RYR2: variants seen among roughly 807,000 people sequenced by gnomAD.
The protein encoded by RYR2 is ryanodine receptor 2.
RYR2 carries 227 observed loss-of-function variants against 601.1 expected under a neutral mutation model. That is an observed-to-expected ratio of 0.38 (90% CI 0.34 to 0.42). RYR2 has a LOEUF of 0.42. RYR2 is among the 10% of genes least tolerant of loss of function. The pLI is 1.00. For missense variants in RYR2, 4,646 were observed against 6,156.5 expected (o/e 0.75, Z 8.21); for synonymous variants, 2,223 against 2,175.1 (o/e 1.02, Z -0.61).
chr1:237,729,591 T>C (rs1690503010), intron 76 of RYR2, among the ~76,000 whole-genome samples: 1 of 152,182 alleles, frequency 6.6e-6, no homozygotes, highest in Non-Finnish European at 1.5e-5. Context: ...TGTTTTATGA[T>C]GTTCCCTTCA....
At chr1:237,778,451 A>C (rs544628061) in intron 87 of RYR2, among the ~76,000 whole-genome samples, 39 of 151,068 alleles carry the variant, frequency 2.6e-4, no homozygotes, top group Admixed American at 9.9e-4. Context: ...CTTTTTTTGG[A>C]ATATATTAAA....
intron 3 of RYR2, among the ~76,000 whole-genome samples, chr1:237,355,572 A>G (rs1052668883): frequency 6.6e-6 from 1 of 152,216 alleles, no homozygotes; most frequent in African/African-American, 2.4e-5. Flanking sequence ...GTAGTTAGAC[A>G]CTATGTCTCT....
Position 237,707,236 on chromosome 1 carries a change from A to T in RYR2, c.9868A>T (p.Ile3290Phe), listed in dbSNP as rs772114329. 4 of 1,567,804 alleles carry T rather than the reference A, an allele frequency of 2.6e-6. No homozygotes were observed. In the Admixed American group the frequency reaches 6.9e-5, roughly 27 times the overall value. The part of the protein sequence containing the change: ...ILKIIYNNLG[I>F]DEGAWMKRLA... ...GAAAATCATATATAATAACTTGGGG[A>T]TTGATGAGGGAGCCTGGATGAAGAG... The change falls in exon 68 of 105, where the codon ATT (isoleucine) becomes TTT (phenylalanine). Residue 3290 changes from isoleucine to phenylalanine, a missense_variant. Ile to Phe is a conservative substitution (Grantham distance 21). Around this residue, in one of 17 missense-constraint regions of RYR2, gnomAD observed 1,497 missense variants for 1,842.6 expected, o/e 0.81. Transcript: ENST00000366574.
chr1:237,423,348 G>C, intron 12 of RYR2, 100 bp downstream of exon 12: 1 of 1,320,472 alleles, frequency 7.6e-7, no homozygotes, highest in Non-Finnish European at 1.0e-6. Context: ...AATGATGTAA[G>C]TATGTCTTAT....
rs1038363990 is a variant in RYR2, at chr1:237,180,716, A to C, written c.49-89781A>C. 1.4e-5 allele frequency among the ~76,000 whole-genome samples: 2 copies of C among 147,998 alleles called. No individual in the cohort carries two copies. Among genetic ancestry groups the C allele is most frequent in the Admixed American group, 6.8e-5 (1 of 14,716 alleles). The stretch of plus-strand genomic sequence containing the variant: ...TATATATAAGTATATATACACATAT[A>C]TACATATACATAGATATATGCTATT... On this transcript the variant is annotated intron_variant, in intron 1 of 104. Coordinates refer to ENST00000366574, the MANE Select transcript of RYR2 (RefSeq NM_001035.3). The surrounding 1 kb of genome is among the most constrained non-coding windows in gnomAD (Gnocchi z 5.3).
At chr1:237,085,589 T>G (rs1666236930) in intron 1 of RYR2, among the ~76,000 whole-genome samples, 1 of 152,234 alleles carries the variant, frequency 6.6e-6, no homozygotes, top group Non-Finnish European at 1.5e-5. Flanking sequence ...CGTGTGTGTT[T>G]AATCTATTTG....
chr1:237,465,619 C>T (rs1362745189), intron 16 of RYR2, among the ~76,000 whole-genome samples: 5 of 152,156 alleles, frequency 3.3e-5, no homozygotes, highest in African/African-American at 7.2e-5. Context: ...GCCTACTGCA[C>T]GGCTATGCTA....
intron 1 of RYR2, among the ~76,000 whole-genome samples, chr1:237,258,114 G>C (rs1042646395): frequency 1.3e-5 from 2 of 148,962 alleles, no homozygotes; most frequent in South Asian, 4.2e-4. Flanking sequence ...GTTGCAGTGA[G>C]CCGAGATCGT....
chr1:237,067,615 T>C (rs1663809460), intron 1 of RYR2, among the ~76,000 whole-genome samples: 9 of 152,374 alleles, frequency 5.9e-5, no homozygotes, highest in Admixed American at 5.9e-4. Context: ...TTTGTCTTTC[T>C]ATATAAATGT....
chr1:237,070,449 G>C (rs1462524472), intron 1 of RYR2, among the ~76,000 whole-genome samples: 1 of 152,162 alleles, frequency 6.6e-6, no homozygotes, highest in East Asian at 1.9e-4. Context: ...TATACTCCTG[G>C]TTTCAAGCAT....
intron 1 of RYR2, among the ~76,000 whole-genome samples, chr1:237,166,337 G>T (rs1430442071): frequency 1.3e-5 from 2 of 152,222 alleles, no homozygotes; most frequent in African/African-American, 4.8e-5. Context: ...GCATGAGTGT[G>T]TTGGGAGCAG....
At chr1:237,345,733 C>G (rs1698247477) in intron 3 of RYR2, among the ~76,000 whole-genome samples, 1 of 150,462 alleles carries the variant, frequency 6.6e-6, no homozygotes, top group Admixed American at 6.7e-5. Flanking sequence ...GTACTCTAAG[C>G]TGAATATTTT....
At chr1:237,714,269 T>C (rs1472015910) in intron 71 of RYR2, among the ~76,000 whole-genome samples, 1 of 152,206 alleles carries the variant, frequency 6.6e-6, no homozygotes, top group Non-Finnish European at 1.5e-5. Context: ...TTAATAGATA[T>C]GAATTGTAGT....
intron 17 of RYR2, among the ~76,000 whole-genome samples, chr1:237,486,590 G>A (rs1662714220): frequency 6.6e-6 from 1 of 152,166 alleles, no homozygotes; most frequent in African/African-American, 2.4e-5. Context: ...GGCAGCTAAT[G>A]TTACTGGCCT....
At position 237,493,005 on chromosome 1, in the gene RYR2, T is replaced by A; in HGVS notation, c.1879T>A (p.Ser627Thr). ...TGTTTGCCACGGGGTTGCAGTCCGT[T>A]CTAACCAGCATCTCATCTGTGACAA... ...LCVCHGVAVRSNQHLICDNLL... is the reference protein window; with the variant it reads ...LCVCHGVAVRTNQHLICDNLL... Residue 627 changes from serine to threonine, a missense_variant, in exon 19 of 105, where the codon TCT becomes ACT. By Grantham distance (58) the Ser-to-Thr change is moderately conservative (BLOSUM62 1). Transcript: ENST00000366574. The A allele has an allele frequency of 6.2e-7, 1 of 1,611,206 alleles. No individual in the cohort carries two copies. Among genetic ancestry groups the A allele is most frequent in the Non-Finnish European group, 8.5e-7 (1 of 1,178,582 alleles).
intron 27 of RYR2, among the ~76,000 whole-genome samples, chr1:237,561,834 G>A (rs1671487657): frequency 6.6e-6 from 1 of 152,182 alleles, no homozygotes; most frequent in Non-Finnish European, 1.5e-5. Flanking sequence ...GCAGTGCTTG[G>A]AGGTAGACCA....
At chr1:237,680,330 G>A in intron 61 of RYR2, 126 bp from the exon 62 acceptor site, 1 of 635,132 alleles carries the variant, frequency 1.6e-6, no homozygotes, top group Non-Finnish European at 2.7e-6. Context: ...ACTATGACGT[G>A]CCTGGCATGG....
intron 1 of RYR2, among the ~76,000 whole-genome samples, chr1:237,200,957 C>T (rs1681124028): frequency 6.6e-6 from 1 of 152,200 alleles, no homozygotes; most frequent in Non-Finnish European, 1.5e-5. Context: ...ATTCAGGAAA[C>T]TGACTCCATC....
intron 3 of RYR2, among the ~76,000 whole-genome samples, chr1:237,354,682 T>C (rs778736173): frequency 2.6e-5 from 4 of 152,072 alleles, no homozygotes; most frequent in African/African-American, 4.8e-5. Context: ...GATAAGTTAA[T>C]GTTTAAAAGG....
Sources: gnomAD v4.1 joint callset for allele counts (sites outside exome capture counted in the v4.1 genomes callset) on GRCh38, gnomAD v4.1.1 for gene constraint, gnomAD v4.1.1 regional missense constraint, Gnocchi (gnomAD v3.1) non-coding constraint, MANE v1.5 for transcripts, NCBI Gene and HGNC (gene_info 2026-07-23, HGNC 2026-07-21) for gene names.